PARD3B: variants seen among roughly 807,000 people sequenced by gnomAD.
PARD3B encodes the protein par-3 family cell polarity regulator beta.
Under a neutral mutation model 130.2 loss-of-function variants are expected in PARD3B, and 103 were observed. That is an observed-to-expected ratio of 0.79 (90% CI 0.67 to 0.93). The LOEUF (loss-of-function observed/expected upper bound fraction) is 0.93, where lower values mean the gene tolerates loss of function less well. Ranked by LOEUF, PARD3B falls within the 40% of genes least tolerant of loss-of-function variation. The pLI, the probability that PARD3B is intolerant of heterozygous loss-of-function variation, is 0.00. For synonymous variants in PARD3B, 583 were observed against 553.2 expected (o/e 1.05, Z -0.76); for missense variants, 1,609 against 1,499.2 (o/e 1.07, Z -1.21).
At chr2:205,469,370 A>C (rs7340265) in intron 20 of PARD3B, among the ~76,000 whole-genome samples, 5,016 of 152,060 alleles carry the variant, frequency 0.033, 253 homozygotes, top group African/African-American at 0.11. Flanking sequence ...TCATGATGCC[A>C]TGATTCTTTG....
At chr2:205,188,882 A>C (rs1574331616) in intron 14 of PARD3B, among the ~76,000 whole-genome samples, 1 of 151,984 alleles carries the variant, frequency 6.6e-6, no homozygotes, top group East Asian at 1.9e-4. Flanking sequence ...CTATGGCGTG[A>C]GGAAAGAAAA....
chr2:204,656,347 G>A (rs1204511692), intron 1 of PARD3B, among the ~76,000 whole-genome samples: 1 of 147,770 alleles, frequency 6.8e-6, no homozygotes, highest in Non-Finnish European at 1.5e-5. Context: ...ATATATGGAA[G>A]GTTTACATGA....
chr2:204,632,278 G>A (rs1193464557), intron 1 of PARD3B, among the ~76,000 whole-genome samples: 1 of 152,134 alleles, frequency 6.6e-6, no homozygotes, highest in Non-Finnish European at 1.5e-5. Context: ...CCTCAGCCAT[G>A]TGGAATTGTC....
At chr2:204,620,333 C>T (rs2034255389) in intron 1 of PARD3B, among the ~76,000 whole-genome samples, 1 of 151,942 alleles carries the variant, frequency 6.6e-6, no homozygotes, top group Non-Finnish European at 1.5e-5. Context: ...CAGGTGTTAG[C>T]CACCTCACCC....
intron 2 of PARD3B, among the ~76,000 whole-genome samples, chr2:204,924,893 A>G (rs1007049299): frequency 6.6e-6 from 1 of 151,934 alleles, no homozygotes; most frequent in African/African-American, 2.4e-5. Flanking sequence ...AGGATTTTCA[A>G]TAAAGAGAAC....
At chr2:205,256,696 A>G (rs1015944459) in intron 16 of PARD3B, among the ~76,000 whole-genome samples, 5 of 152,162 alleles carry the variant, frequency 3.3e-5, no homozygotes, top group African/African-American at 1.2e-4. Context: ...TAATAGAAAT[A>G]TTGTACAAAT....
chr2:205,363,862 T>TTC (rs1559704166), intron 18 of PARD3B, among the ~76,000 whole-genome samples: 3 of 95,602 alleles, frequency 3.1e-5, no homozygotes, highest in African/African-American at 1.4e-4. Context: ...TTTTTTTTTT[T>TTC]CGCCATGTTG....
Position 205,405,022 on chromosome 2 carries a change from A to T in PARD3B, c.2741+3899A>T, listed in dbSNP as rs775680778. 2.6e-5 allele frequency among the ~76,000 whole-genome samples: 4 copies of T among 152,078 alleles called. No homozygotes were observed. Among genetic ancestry groups the T allele is most frequent in the Non-Finnish European group, 5.9e-5 (4 of 68,018 alleles). On this transcript the variant is annotated intron_variant, in intron 19 of 22. Transcript: ENST00000406610. The surrounding 1 kb of genome is among the most constrained non-coding windows in gnomAD (Gnocchi z 4.1). ...ATCTAATTTTTTTGTGCTGATTTTC[A>T]TATCTCATTTTAAGTTATCTACATA...
chr2:205,036,862 A>C (rs1011842956), intron 3 of PARD3B, among the ~76,000 whole-genome samples: 2 of 151,664 alleles, frequency 1.3e-5, no homozygotes, highest in African/African-American at 2.4e-5. Flanking sequence ...TGGACTGTAT[A>C]TGTAAAGAAC....
chr2:205,422,374 A>G (rs369001902), intron 19 of PARD3B, among the ~76,000 whole-genome samples: 1 of 152,298 alleles, frequency 6.6e-6, no homozygotes, highest in South Asian at 2.1e-4. Context: ...GGAAGACATG[A>G]AAGTGTTATA....
At chr2:205,004,648 C>T (rs939272415) in intron 3 of PARD3B, among the ~76,000 whole-genome samples, 1 of 152,096 alleles carries the variant, frequency 6.6e-6, no homozygotes, top group African/African-American at 2.4e-5. Context: ...GTTGCCAAGG[C>T]AATGTCATAT....
rs570758888 is a variant in PARD3B at position 204,964,727 on chromosome 2, C to T, written c.223-425C>T. Among the ~76,000 whole-genome samples, 7 of 152,120 alleles carry T rather than the reference C, an allele frequency of 4.6e-5. No homozygotes were observed. In the South Asian group the frequency reaches 1.0e-3, roughly 23 times the overall value. On this transcript the variant is annotated intron_variant, in intron 2 of 22. Transcript: ENST00000406610. ...CATCTTGTAATGTGTTTTAGGTCTC[C>T]GAGACTGGAATAACCTCCCTATACT...
chr2:205,001,900 C>T (rs1360742809), intron 3 of PARD3B, among the ~76,000 whole-genome samples: 1 of 152,018 alleles, frequency 6.6e-6, no homozygotes, highest in Non-Finnish European at 1.5e-5. Flanking sequence ...GATGCTGTCA[C>T]CTAATATATC....
chr2:205,050,714 C>CTT (rs543498428), intron 4 of PARD3B, among the ~76,000 whole-genome samples: 2 of 143,928 alleles, frequency 1.4e-5, no homozygotes, highest in African/African-American at 5.1e-5. Context: ...CCTGTTTTTA[C>CTT]TTTTTTTTTT....
chr2:205,165,722 AAAATAAATAAATAAATAAATAAATAAAT>A (rs71032449), intron 11 of PARD3B, among the ~76,000 whole-genome samples: 4 of 146,102 alleles, frequency 2.7e-5, no homozygotes, highest in Non-Finnish European at 6.0e-5. Flanking sequence ...CTCTGTCTCA[AAAATAAATAAATAAATAAATAAATAAAT>A]AAATAAATAA....
At chr2:205,101,186 CCAATAATCA>C (rs1187382837) in intron 4 of PARD3B, among the ~76,000 whole-genome samples, 1 of 151,906 alleles carries the variant, frequency 6.6e-6, no homozygotes, top group Non-Finnish European at 1.5e-5. Context: ...ACACAAAGGG[CCAATAATCA>C]CAGGGAAAGA....
chr2:205,095,457 T>C (rs1702339564), intron 4 of PARD3B, among the ~76,000 whole-genome samples: 2 of 152,150 alleles, frequency 1.3e-5, no homozygotes, highest in Admixed American at 6.6e-5. Context: ...CTCTGAAGAT[T>C]TTAAAGCAGC....
intron 18 of PARD3B, among the ~76,000 whole-genome samples, chr2:205,318,571 C>T (rs1044544433): frequency 1.3e-5 from 2 of 152,162 alleles, no homozygotes; most frequent in South Asian, 2.1e-4. Context: ...TTCAATACAG[C>T]TTCTTTCCCT....
chr2:205,240,940 A>G (rs1027172256), intron 15 of PARD3B, among the ~76,000 whole-genome samples: 26 of 152,200 alleles, frequency 1.7e-4, no homozygotes, highest in African/African-American at 6.3e-4. Context: ...GTGCACTTTG[A>G]TGTTTGCCAC....
Sources: allele counts gnomAD v4.1 joint callset (sites outside exome capture counted in the v4.1 genomes callset), GRCh38; gene constraint gnomAD v4.1.1; non-coding constraint Gnocchi (gnomAD v3.1); transcripts MANE v1.5; gene names NCBI Gene and HGNC (gene_info 2026-07-23, HGNC 2026-07-21).